P2RY14: variants seen among roughly 807,000 people sequenced by gnomAD.
The protein encoded by P2RY14 is P2Y purinoceptor 14.
Under a neutral mutation model 0.9 loss-of-function variants are expected in P2RY14, and 2 were observed. The ratio of observed to expected loss-of-function variants is 2.16; its 90% CI spans 0.88 to 6.79. The LOEUF (loss-of-function observed/expected upper bound fraction) is 6.79, where lower values mean the gene tolerates loss of function less well. Among genes scored for constraint, P2RY14 ranks in the 30% most tolerant of loss-of-function variants. The pLI is 0.05. For synonymous variants in P2RY14, 158 were observed against 147.2 expected (o/e 1.07, Z -0.53); for missense variants, 378 against 400.1 (o/e 0.94, Z 0.47).
chr3:151,277,206 CTTG>C lies in P2RY14; in HGVS notation c.-133+1078_-133+1080del, dbSNP rs143197072. ...GGTGTGAGCCACCATGCCTGGCCTC[CTTG>C]TTTTTTTTTTTTCCAGACATGACAA... On this transcript the variant is annotated intron_variant, in intron 1 of 2. Coordinates refer to ENST00000309170, the MANE Select transcript of P2RY14 (RefSeq NM_014879.4). 1.1e-4 allele frequency among the ~76,000 whole-genome samples: 16 copies of C among 151,018 alleles called. No individual in the cohort carries two copies. The South Asian group carries it at 1.5e-3, about 14-fold the overall frequency.
Position 151,233,775 on chromosome 3 carries a change from G to A in P2RY14, c.-132-14133C>T, listed in dbSNP as rs190219448. ...AAACACAGCACCGACTTGAGAGCGA[G>A]AGTCCCACAGGCATTCTTGGATCGT... On this transcript the variant is annotated intron_variant, in intron 1 of 2. Coordinates refer to ENST00000309170, the MANE Select transcript of P2RY14 (RefSeq NM_014879.4). Among the ~76,000 whole-genome samples, 165 of 152,278 alleles carry A rather than the reference G, an allele frequency of 1.1e-3. 2 individuals carry two copies. The highest frequency in any genetic ancestry group is 3.6e-3 in the African/African-American group (151 of 41,562).
At chr3:151,217,162 G>T (rs2149245161) in intron 2 of P2RY14, among the ~76,000 whole-genome samples, 1 of 152,222 alleles carries the variant, frequency 6.6e-6, no homozygotes, top group East Asian at 1.9e-4. Flanking sequence ...TTTAATGAGA[G>T]CCAAATTCCT....
At chr3:151,237,824 G>T (rs528354609) in intron 1 of P2RY14, among the ~76,000 whole-genome samples, 1 of 151,994 alleles carries the variant, frequency 6.6e-6, no homozygotes, top group Non-Finnish European at 1.5e-5. Flanking sequence ...AAATGATATG[G>T]GCATCTCTTC....
chr3:151,275,879 A>G (rs766489438), intron 1 of P2RY14, among the ~76,000 whole-genome samples: 5 of 152,090 alleles, frequency 3.3e-5, no homozygotes, highest in Non-Finnish European at 7.4e-5. Context: ...GACTTTTAGG[A>G]GGCAATGCAT....
intron 1 of P2RY14, among the ~76,000 whole-genome samples, chr3:151,226,710 A>G (rs1577032680): frequency 6.6e-6 from 1 of 152,218 alleles, no homozygotes; most frequent in African/African-American, 2.4e-5. Context: ...CATGAGGTGG[A>G]TGCCTTCAGT....
Position 151,214,017 on chromosome 3 carries a change from G to C in P2RY14, c.300C>G (p.Leu100=), listed in dbSNP as rs1727679137. 1 of 1,613,964 alleles carries C rather than the reference G, an allele frequency of 6.2e-7. No homozygotes were observed. The highest frequency in any genetic ancestry group is 8.5e-7 in the Non-Finnish European group (1 of 1,180,002). Residue 100 remains leucine (L), a synonymous_variant, in exon 3 of 3, where the codon CTC becomes CTG. Transcript: ENST00000309170. ...TGCTGACGTACATGTTGACGTAGAA[G>C]AGCACGGCAGAGACCCTGCACACAA... The part of the protein sequence containing the change: ...NVFVCRVSAV[L]FYVNMYVSIV...
At chr3:151,239,794 A>T (rs1733711108) in intron 1 of P2RY14, among the ~76,000 whole-genome samples, 1 of 152,080 alleles carries the variant, frequency 6.6e-6, no homozygotes, top group Non-Finnish European at 1.5e-5. Context: ...TTGTTTTAGC[A>T]CTCCAGCTCT....
At chr3:151,248,802 T>G (rs1356500608) in intron 1 of P2RY14, 2 of 152,202 alleles carry the variant, frequency 1.3e-5, no homozygotes, top group Non-Finnish European at 2.9e-5. Context: ...CAAAGCCATT[T>G]TACATTGTAA....
chr3:151,232,101 T>C (rs1731798482), intron 1 of P2RY14, among the ~76,000 whole-genome samples: 1 of 152,180 alleles, frequency 6.6e-6, no homozygotes, highest in South Asian at 2.1e-4. Flanking sequence ...TCTGCTATTT[T>C]TCTTACCTTT....
chr3:151,258,169 C>T (rs1293450290), intron 1 of P2RY14, among the ~76,000 whole-genome samples: 1 of 152,148 alleles, frequency 6.6e-6, no homozygotes, highest in Non-Finnish European at 1.5e-5. Context: ...GTGGGAGTTC[C>T]GATATGGTAT....
In P2RY14 at chr3:151,213,812, G is replaced by C; in HGVS notation, c.505C>G (p.Gln169Glu). 6.2e-7 allele frequency: 1 copy of C among 1,614,158 alleles called. No individual in the cohort carries two copies. Among genetic ancestry groups the C allele is most frequent in the Non-Finnish European group, 8.5e-7 (1 of 1,180,028 alleles). ...CTTTTCAGTTCTATACATTTTATTT[G>C]TGTAACCTCCCTAACACTCTGGTTG... is the stretch of plus-strand genomic sequence containing the variant. ...LTNQSVREVT[Q>E]IKCIELKSEL... Residue 169 changes from glutamine (Q) to glutamate (E), a missense_variant, in exon 3 of 3, where the codon CAA (glutamine) becomes GAA (glutamate). By Grantham distance (29) the Gln-to-Glu change is conservative. Coordinates refer to ENST00000309170, the MANE Select transcript of P2RY14 (RefSeq NM_014879.4).
intron 1 of P2RY14, chr3:151,269,404 C>T (rs2149540570): frequency 2.4e-5 from 1 of 41,904 alleles, no homozygotes; most frequent in South Asian, 1.6e-3. Context: ...CCATCACACA[C>T]ACACACACAC....
chr3:151,272,615 C>G (rs1045741972), intron 1 of P2RY14, among the ~76,000 whole-genome samples: 3 of 152,182 alleles, frequency 2.0e-5, no homozygotes, highest in Non-Finnish European at 2.9e-5. Context: ...TGTTTGTCCT[C>G]TGCCCCAAGT....
intron 1 of P2RY14, among the ~76,000 whole-genome samples, chr3:151,232,260 A>G (rs1275827350): frequency 3.9e-5 from 6 of 152,354 alleles, no homozygotes; most frequent in Admixed American, 1.3e-4. Context: ...TCTTTGAGCA[A>G]TCACAGTGTT....
At chr3:151,235,820 T>C (rs1222266355) in intron 1 of P2RY14, among the ~76,000 whole-genome samples, 4 of 152,180 alleles carry the variant, frequency 2.6e-5, no homozygotes, top group South Asian at 4.1e-4. Flanking sequence ...TGCTGGTCTC[T>C]GTTAAAATGT....
chr3:151,249,423 A>G (rs1736413632), intron 1 of P2RY14, among the ~76,000 whole-genome samples: 1 of 152,198 alleles, frequency 6.6e-6, no homozygotes, highest in South Asian at 2.1e-4. Flanking sequence ...TCCTTCTTTC[A>G]GTACCAGGGG....
intron 1 of P2RY14, chr3:151,261,273 G>C (rs542066205): frequency 6.6e-5 from 10 of 152,240 alleles, no homozygotes; most frequent in African/African-American, 2.4e-4. Flanking sequence ...CAGAGGTGGA[G>C]ATACATTCAC....
chr3:151,248,171 C>G (rs1417734301), intron 1 of P2RY14, among the ~76,000 whole-genome samples: 2 of 151,786 alleles, frequency 1.3e-5, no homozygotes, highest in East Asian at 1.9e-4. Context: ...ATGTTTAACG[C>G]TCAGAGGAAG....
intron 1 of P2RY14, among the ~76,000 whole-genome samples, chr3:151,255,278 G>T (rs80121514): frequency 6.6e-6 from 1 of 152,064 alleles, no homozygotes; most frequent in Admixed American, 6.6e-5. Flanking sequence ...TGCTGTTTTG[G>T]GATTTATACT....
Sources: gnomAD v4.1 joint callset for allele counts (sites outside exome capture counted in the v4.1 genomes callset) on GRCh38, gnomAD v4.1.1 for gene constraint, MANE v1.5 for transcripts, NCBI Gene and HGNC (gene_info 2026-07-23, HGNC 2026-07-21) for gene names.